SOX6: variants seen among roughly 807,000 people sequenced by gnomAD.
SOX6 encodes transcription factor SOX-6.
A neutral mutation model predicts 97.8 loss-of-function variants in SOX6; 11 were observed. The ratio of observed to expected loss-of-function variants is 0.11; its 90% CI spans 0.07 to 0.19. The LOEUF (loss-of-function observed/expected upper bound fraction) is 0.19. Ranked by LOEUF, SOX6 falls within the 10% of genes least tolerant of loss-of-function variation. The pLI is 1.00. For missense variants in SOX6, 810 were observed against 1,039.5 expected (o/e 0.78, Z 3.04); for synonymous variants, 360 against 371.4 (o/e 0.97, Z 0.35).
rs529149882 is a variant in SOX6, at chr11:16,520,040, G to T, written n.610-43652C>A. On this transcript the variant is annotated intron_variant and non_coding_transcript_variant, in intron 4 of 5. Transcript: ENST00000524520. Reference sequence around the variant, plus strand: ...TCATGTCCTTTGCCCAAATTTTAATGCAGTTATTTGTTTTATTCTTGTTGA... The same window carrying T: ...TCATGTCCTTTGCCCAAATTTTAATTCAGTTATTTGTTTTATTCTTGTTGA... Among the ~76,000 whole-genome samples the T allele has an allele frequency of 4.6e-5, 7 of 152,250 alleles. No homozygotes were observed. In the South Asian group the frequency reaches 1.5e-3, roughly 32 times the overall value.
intron 4 of SOX6, among the ~76,000 whole-genome samples, chr11:16,195,463 A>G (rs1459119665): frequency 6.6e-6 from 1 of 152,226 alleles, no homozygotes; most frequent in Non-Finnish European, 1.5e-5. Context: ...ATATACAACT[A>G]AAAGGAATGA....
intron 6 of SOX6, among the ~76,000 whole-genome samples, chr11:16,150,195 G>A (rs993516074): frequency 1.3e-5 from 2 of 152,096 alleles, no homozygotes; most frequent in African/African-American, 2.4e-5. Flanking sequence ...TGAGTTAGAG[G>A]TGGCATTAAT....
chr11:16,212,671 T>C (rs1371889134), intron 4 of SOX6, among the ~76,000 whole-genome samples: 2 of 152,178 alleles, frequency 1.3e-5, no homozygotes, highest in East Asian at 3.9e-4. Context: ...GCTAAACTTT[T>C]CTCAAAGCAG....
chr11:16,509,517 G>C (rs1860845648), intron 4 of SOX6, among the ~76,000 whole-genome samples: 1 of 151,886 alleles, frequency 6.6e-6, no homozygotes. Flanking sequence ...ATAACATGCT[G>C]TTTTTCAAAT....
At chr11:16,635,410 T>C (rs1848770080) in intron 3 of SOX6, among the ~76,000 whole-genome samples, 1 of 152,154 alleles carries the variant, frequency 6.6e-6, no homozygotes, top group Non-Finnish European at 1.5e-5. Flanking sequence ...AGTGGTGGCA[T>C]TTTGCCCCTG....
chr11:16,407,275 A>G (rs1184737465), intron 1 of SOX6, among the ~76,000 whole-genome samples: 1 of 152,136 alleles, frequency 6.6e-6, no homozygotes, highest in Non-Finnish European at 1.5e-5. Context: ...AAAACTAAAA[A>G]TTCTTTTGAA....
At chr11:16,214,854 A>T (rs1324627127) in intron 4 of SOX6, among the ~76,000 whole-genome samples, 1 of 151,224 alleles carries the variant, frequency 6.6e-6, no homozygotes, top group African/African-American at 2.4e-5. Context: ...GGTTCAAGCA[A>T]TTCTCCTGCC....
At chr11:16,646,307 C>A (rs1413770581) in intron 3 of SOX6, 2 of 152,132 alleles carry the variant, frequency 1.3e-5, no homozygotes, top group Non-Finnish European at 2.9e-5. Context: ...CACTGGCCTT[C>A]AGGTAAGTGT....
chr11:16,501,190 A>T (rs1379826212), intron 4 of SOX6, among the ~76,000 whole-genome samples: 2 of 152,216 alleles, frequency 1.3e-5, no homozygotes, highest in Admixed American at 6.5e-5. Context: ...GACAAACCTG[A>T]CAAAAATAGG....
At chr11:16,031,026 A>T (rs974954526) in intron 12 of SOX6, among the ~76,000 whole-genome samples, 1 of 152,180 alleles carries the variant, frequency 6.6e-6, no homozygotes, top group African/African-American at 2.4e-5. Flanking sequence ...TTAGCATCTT[A>T]TAAATTGTAA....
intron 13 of SOX6, among the ~76,000 whole-genome samples, chr11:16,003,316 T>C (rs1002323860): frequency 1.3e-5 from 2 of 152,022 alleles, no homozygotes; most frequent in Admixed American, 6.6e-5. Flanking sequence ...TTCCTGAAAT[T>C]ACCTGGCCAT....
chr11:16,491,742 G>A (rs1860512888), intron 4 of SOX6, among the ~76,000 whole-genome samples: 1 of 151,860 alleles, frequency 6.6e-6, no homozygotes, highest in Non-Finnish European at 1.5e-5. Context: ...CACAGAAAAA[G>A]GAATAAAAAC....
At chr11:16,374,917 T>G (rs191774518) in intron 1 of SOX6, among the ~76,000 whole-genome samples, 1 of 152,176 alleles carries the variant, frequency 6.6e-6, no homozygotes, top group African/African-American at 2.4e-5. Context: ...TTTTTGTTAT[T>G]ATTGACATTT....
chr11:16,109,644 T>A (rs1849179482), intron 7 of SOX6, among the ~76,000 whole-genome samples: 1 of 152,192 alleles, frequency 6.6e-6, no homozygotes, highest in Admixed American at 6.6e-5. Flanking sequence ...ATTGATTAAG[T>A]CTTCTGAGGA....
chr11:16,645,214 A>G (rs1417640243), intron 3 of SOX6, among the ~76,000 whole-genome samples: 18 of 152,126 alleles, frequency 1.2e-4, no homozygotes. Flanking sequence ...ACTAATAACA[A>G]CCAATTCAAG....
chr11:16,033,671 G>A (rs1855443823), intron 12 of SOX6, among the ~76,000 whole-genome samples: 1 of 152,168 alleles, frequency 6.6e-6, no homozygotes, highest in African/African-American at 2.4e-5. Context: ...AGGAGTTCGA[G>A]ATGAGCCTGG....
intron 1 of SOX6, among the ~76,000 whole-genome samples, chr11:16,405,317 T>C (rs997882862): frequency 6.6e-6 from 1 of 151,972 alleles, no homozygotes; most frequent in African/African-American, 2.4e-5. Context: ...TTGTACATTG[T>C]GGTGAGGAAA....
intron 4 of SOX6, among the ~76,000 whole-genome samples, chr11:16,195,730 T>C (rs1235380769): frequency 6.6e-6 from 1 of 152,158 alleles, no homozygotes; most frequent in African/African-American, 2.4e-5. Flanking sequence ...CAGGCCCAAA[T>C]ACAGTAATTA....
chr11:16,111,828 G>T lies in SOX6; in HGVS notation c.873C>A (p.Phe291Leu), dbSNP rs1001381288. Residue 291 changes from phenylalanine to leucine, a missense_variant, in exon 7 of 16, where the codon TTC becomes TTA. Physicochemically the swap from Phe to Leu is conservative, Grantham distance 22. Transcript: ENST00000683767. ...CTGGTTTGTATGTTATTCCAGGGGG[G>T]AAGAGGAATCCCTGTTGGGCAGCAG... ...AAAAAQQGFL[F>L]PPGITYKPGD... 2.4e-5 allele frequency: 39 copies of T among 1,612,986 alleles called. No individual in the cohort carries two copies. The highest frequency in any genetic ancestry group is 3.1e-5 in the Non-Finnish European group (36 of 1,179,954).
Sources: allele counts gnomAD v4.1 joint callset (sites outside exome capture counted in the v4.1 genomes callset), GRCh38; gene constraint gnomAD v4.1.1; transcripts MANE v1.5; gene names NCBI Gene and HGNC (gene_info 2026-07-23, HGNC 2026-07-21).